Variants in TSPEAR observed in about 807,000 individuals in gnomAD.
TSPEAR encodes the protein thrombospondin type laminin G domain and EAR repeats.
In TSPEAR, 69 loss-of-function variants were observed where a neutral mutation model predicts 71.6. That is an observed-to-expected ratio of 0.96 (90% CI 0.79 to 1.18). The LOEUF is 1.18. Among genes scored for constraint, TSPEAR ranks in the 50% most tolerant of loss-of-function variants. The probability of loss-of-function intolerance (pLI) is 0.00; values close to 1 mark genes in which losing one functional copy is unlikely to be tolerated. For synonymous variants in TSPEAR, 402 were observed against 387.2 expected, an observed-to-expected ratio of 1.04 and a Z score of -0.45; for missense variants, 971 against 894.9, an observed-to-expected ratio of 1.09 and a Z score of -1.09.
intron 1 of TSPEAR, among the ~76,000 whole-genome samples, chr21:44,649,338 C>A (rs1312417556): frequency 6.6e-6 from 1 of 152,194 alleles, no homozygotes; most frequent in Non-Finnish European, 1.5e-5. Flanking sequence ...TCCCCCTGCA[C>A]CTCACATGCT....
intron 1 of TSPEAR, among the ~76,000 whole-genome samples, chr21:44,629,500 C>G (rs1462411687): frequency 1.3e-5 from 2 of 152,192 alleles, no homozygotes; most frequent in Non-Finnish European, 2.9e-5. Context: ...TAGGGCCCAT[C>G]CATAGGACCT....
chr21:44,697,800 G>C (rs377024369), intron 1 of TSPEAR: 1 of 1,613,272 alleles, frequency 6.2e-7, no homozygotes, highest in Non-Finnish European at 8.5e-7. Flanking sequence ...CTCCTCTGCC[G>C]CCCTGTGTGC....
chr21:44,595,256 G>A lies in TSPEAR; in HGVS notation c.83-27251C>T, dbSNP rs74275744. The stretch of plus-strand genomic sequence containing the variant: ...CTGTCTCTGTCTGTCTGCCTCTTCC[G>A]TATATGCACACACACAGCCCATTCT... On this transcript the variant is annotated intron_variant, in intron 1 of 11. Coordinates refer to ENST00000323084, the MANE Select transcript of TSPEAR (RefSeq NM_144991.3). 2.1e-3 allele frequency among the ~76,000 whole-genome samples: 321 copies of A among 152,068 alleles called. 2 individuals are homozygous for A. The highest frequency in any genetic ancestry group is 0.019 in the East Asian group (99 of 5,176).
intron 2 of TSPEAR, chr21:44,539,304 A>C (rs2053156112): frequency 6.2e-7 from 1 of 1,608,966 alleles, no homozygotes; most frequent in African/African-American, 1.3e-5. Flanking sequence ...CAGAGGCCTC[A>C]GCAGGCCGGG....
Position 44,567,850 on chromosome 21 carries a change from A to T in TSPEAR, c.238T>A (p.Cys80Ser). 6.2e-7 allele frequency: 1 copy of T among 1,609,848 alleles called. No individual in the cohort carries two copies. Among genetic ancestry groups the T allele is most frequent in the Non-Finnish European group, 8.5e-7 (1 of 1,177,552 alleles). ...GAAAATTCTTCAGGGAAGAGGTCAC[A>T]CTGGGAGAAAATCCTGGATGCTGGG... ...SFPASRIFSQ[C>S]DLFPEEFSIV... is the part of the protein sequence containing the mutation. The change falls in exon 2 of 12, where the codon TGT becomes AGT. Residue 80 changes from cysteine (C) to serine (S), a missense_variant. Coordinates refer to ENST00000323084, the MANE Select transcript of TSPEAR (RefSeq NM_144991.3).
At position 44,589,289 on chromosome 21, in the gene TSPEAR, T is replaced by G. The variant is rs180740369; in HGVS notation, c.83-21284A>C. On this transcript the variant is annotated intron_variant, in intron 1 of 11. Coordinates refer to ENST00000323084, the MANE Select transcript of TSPEAR (RefSeq NM_144991.3). ...TGGATTCCTTTTCATGGCTGAATAATATTCCCCACGGGAATGGGCCACATT... is the reference window on the plus strand; with the variant it reads ...TGGATTCCTTTTCATGGCTGAATAAGATTCCCCACGGGAATGGGCCACATT... Among the ~76,000 whole-genome samples, 1,083 of 152,360 alleles carry G rather than the reference T, an allele frequency of 7.1e-3. 12 individuals are homozygous for G. Among genetic ancestry groups the G allele is most frequent in the Non-Finnish European group, 0.01 (681 of 68,030 alleles).
At chr21:44,545,296 T>G (rs963849175) in intron 2 of TSPEAR, among the ~76,000 whole-genome samples, 2 of 151,264 alleles carry the variant, frequency 1.3e-5, no homozygotes, top group African/African-American at 4.9e-5. Flanking sequence ...CCAGCCTGGG[T>G]GACAGAGCAA....
rs371543899 is a variant in TSPEAR, at chr21:44,627,993, T to C, written c.83-59988A>G. 104 of 1,610,768 alleles carry C rather than the reference T, an allele frequency of 6.5e-5. No individual in the cohort carries two copies. The Middle Eastern group carries it at 8.2e-4, about 13-fold the overall frequency. On this transcript the variant is annotated intron_variant, in intron 1 of 11. Coordinates refer to ENST00000323084, the MANE Select transcript of TSPEAR (RefSeq NM_144991.3). Reference sequence around the variant, plus strand: ...CCTGTGTGTCCCTTCTCTGCCGCCCTGTGTGCTCCCGCCCGGCCTGCTACA... The same window carrying C: ...CCTGTGTGTCCCTTCTCTGCCGCCCCGTGTGCTCCCGCCCGGCCTGCTACA...
At position 44,612,177 on chromosome 21, in the gene TSPEAR, A is replaced by G. The variant is rs411254; in HGVS notation, c.83-44172T>C. ...TCTGTCTGCTCCAGTGACGTGGGCC[A>G]TGTCAGCCGAGTCTCCTCCCCCAGC... is the stretch of plus-strand genomic sequence containing the variant. On this transcript the variant is annotated intron_variant, in intron 1 of 11. Transcript: ENST00000323084. The surrounding 1 kb of genome is among the most constrained non-coding windows in gnomAD (Gnocchi z 4.1). The G allele has an allele frequency of 0.94, 1,515,833 of 1,613,944 alleles. 712,537 individuals are homozygous for G. The highest frequency in any genetic ancestry group is 0.96 in the Admixed American group (57,436 of 60,018).
At chr21:44,676,731 T>C (rs1487655987) in intron 1 of TSPEAR, 4 of 784,820 alleles carry the variant, frequency 5.1e-6, no homozygotes, top group African/African-American at 1.7e-5. Flanking sequence ...CATCTCTGAC[T>C]TCCTCTACGT....
intron 1 of TSPEAR, chr21:44,602,050 G>A (rs368389060): frequency 2.9e-5 from 14 of 486,836 alleles, no homozygotes; most frequent in East Asian, 7.3e-5. Context: ...TGGGTTTCTC[G>A]TCACTGTCCC....
intron 1 of TSPEAR, among the ~76,000 whole-genome samples, chr21:44,655,191 A>G (rs1384451811): frequency 6.6e-6 from 1 of 152,114 alleles, no homozygotes; most frequent in Non-Finnish European, 1.5e-5. Flanking sequence ...CCCATTTTAC[A>G]GATGTGCAAT....
intron 1 of TSPEAR, among the ~76,000 whole-genome samples, chr21:44,680,570 C>T (rs1458877554): frequency 6.6e-6 from 1 of 152,174 alleles, no homozygotes; most frequent in African/African-American, 2.4e-5. Context: ...ATTGGTGTAT[C>T]AAAAAGATAC....
intron 1 of TSPEAR, among the ~76,000 whole-genome samples, chr21:44,588,914 A>G (rs587675160): frequency 6.6e-5 from 10 of 151,962 alleles, no homozygotes; most frequent in Non-Finnish European, 1.3e-4. Context: ...AAAACCAAAC[A>G]TCATATGTTC....
At position 44,558,916 on chromosome 21, in the gene TSPEAR, T is replaced by C. The variant is rs377077102; in HGVS notation, c.303+8869A>G. 1.2e-4 allele frequency among the ~76,000 whole-genome samples: 18 copies of C among 152,178 alleles called. No homozygotes were observed. In the East Asian group the frequency reaches 3.3e-3, roughly 28 times the overall value. On this transcript the variant is annotated intron_variant, in intron 2 of 11. Coordinates refer to ENST00000323084, the MANE Select transcript of TSPEAR (RefSeq NM_144991.3). ...GTTGTAGGCACTGTTGTGTTAGTAG[T>C]GTTGGTTCATTGTTTGTGGATGTTC...
chr21:44,586,587 C>A (rs1555925712), intron 1 of TSPEAR, among the ~76,000 whole-genome samples: 1 of 152,074 alleles, frequency 6.6e-6, no homozygotes, highest in African/African-American at 2.4e-5. Context: ...AGCATTCCTC[C>A]CTCCAAAAAA....
chr21:44,519,390 T>C (rs2052685716), intron 9 of TSPEAR: 1 of 152,300 alleles, frequency 6.6e-6, no homozygotes, highest in Non-Finnish European at 1.5e-5. Context: ...GAGTCCCAAT[T>C]TCCAGCCCAT....
chr21:44,558,568 C>G (rs1250120036), intron 2 of TSPEAR: 2 of 1,612,108 alleles, frequency 1.2e-6, no homozygotes, highest in Non-Finnish European at 1.7e-6. Flanking sequence ...ACACAGCTCA[C>G]TGGGGTGCAG....
intron 1 of TSPEAR, among the ~76,000 whole-genome samples, chr21:44,594,814 G>T (rs1980249349): frequency 7.4e-6 from 1 of 134,922 alleles, no homozygotes; most frequent in South Asian, 2.3e-4. Context: ...CAAACTTACG[G>T]ATCTGTGATT....
Sources: gnomAD v4.1 joint callset for allele counts (sites outside exome capture counted in the v4.1 genomes callset) on GRCh38, gnomAD v4.1.1 for gene constraint, Gnocchi (gnomAD v3.1) non-coding constraint, MANE v1.5 for transcripts, NCBI Gene and HGNC (gene_info 2026-07-23, HGNC 2026-07-21) for gene names.